Variants in GRIK3 observed in about 807,000 individuals in gnomAD.
GRIK3 encodes glutamate receptor ionotropic, kainate 3.
A neutral mutation model predicts 102.5 loss-of-function variants in GRIK3; 29 were observed. The ratio of observed to expected loss-of-function variants is 0.28; its 90% CI spans 0.21 to 0.39. The LOEUF (loss-of-function observed/expected upper bound fraction) is 0.39. Among genes scored for constraint, GRIK3 ranks in the 10% least tolerant of loss-of-function variants. The probability of loss-of-function intolerance (pLI) is 1.00; values close to 1 mark genes in which losing one functional copy is unlikely to be tolerated. For synonymous variants in GRIK3, 511 were observed against 504.9 expected, an observed-to-expected ratio of 1.01 and a Z score of -0.16; for missense variants, 908 against 1,252.4, an observed-to-expected ratio of 0.73 and a Z score of 4.15.
Position 36,860,089 on chromosome 1 carries a change from C to T in GRIK3, c.787-72G>A, listed in dbSNP as rs560131185. ...GAACTCCAGCCCCGCCTCCTACCCACTCCCTAATCAGGGCCGCCCCAGGGC... is the reference window on the plus strand; with the variant it reads ...GAACTCCAGCCCCGCCTCCTACCCATTCCCTAATCAGGGCCGCCCCAGGGC... On this transcript the variant is annotated intron_variant, in intron 5 of 15. Coordinates refer to ENST00000373091, the MANE Select transcript of GRIK3 (RefSeq NM_000831.4). 7.9e-6 allele frequency: 10 copies of T among 1,270,160 alleles called. No homozygotes were observed. In the African/African-American group the frequency reaches 1.1e-4, roughly 13 times the overall value. The allele number at this position is 1,270,160 out of a possible 1,614,324, so 78.7% of individuals were successfully genotyped here.
intron 1 of GRIK3, among the ~76,000 whole-genome samples, chr1:36,994,909 C>T (rs989336910): frequency 6.6e-6 from 1 of 152,222 alleles, no homozygotes. Context: ...TCACACCTTT[C>T]TCTCTGTGAC....
chr1:36,898,089 G>T (rs190480678), intron 1 of GRIK3, among the ~76,000 whole-genome samples: 27 of 151,990 alleles, frequency 1.8e-4, no homozygotes, highest in African/African-American at 6.3e-4. Flanking sequence ...TGAAATCATG[G>T]AGATAGAGAG....
chr1:36,977,258 C>G (rs1228259458), intron 1 of GRIK3, among the ~76,000 whole-genome samples: 1 of 152,244 alleles, frequency 6.6e-6, no homozygotes, highest in East Asian at 1.9e-4. Flanking sequence ...TCATGCCTGC[C>G]TCTCCCAAAC....
chr1:36,854,801 C>T (rs1451349532), intron 7 of GRIK3, among the ~76,000 whole-genome samples: 1 of 152,184 alleles, frequency 6.6e-6, no homozygotes, highest in East Asian at 1.9e-4. Context: ...ACTGTTCATG[C>T]CGTGCAACCT....
At chr1:37,017,681 G>A (rs1421796238) in intron 1 of GRIK3, among the ~76,000 whole-genome samples, 1 of 152,164 alleles carries the variant, frequency 6.6e-6, no homozygotes, top group Non-Finnish European at 1.5e-5. Flanking sequence ...GGGCAAACCT[G>A]AATAGGCTTG....
chr1:36,796,008 A>G lies in GRIK3; in HGVS notation c.*5843T>C, dbSNP rs1211040527. ...AGTGGTAAGAGGACCCATGATCCCT[A>G]CGGAACCAAGACAGGATGCTCCTCA... On this transcript the variant is annotated 3_prime_UTR_variant, in exon 16 of 16. Transcript: ENST00000373091. 9 of 152,284 alleles carry G rather than the reference A, an allele frequency of 5.9e-5. No individual in the cohort carries two copies. The highest frequency in any genetic ancestry group is 5.9e-4 in the Admixed American group (9 of 15,278). The allele number at this position is 152,284 out of a possible 1,614,324, so 9.4% of individuals were successfully genotyped here.
chr1:36,838,389 A>G (rs1640406357), intron 10 of GRIK3, among the ~76,000 whole-genome samples: 1 of 152,200 alleles, frequency 6.6e-6, no homozygotes, highest in Non-Finnish European at 1.5e-5. Flanking sequence ...GAAAGAGGAA[A>G]CAGACAAGTA....
rs1284484688 is a variant in GRIK3 at position 36,796,362 on chromosome 1, G to A, written c.*5489C>T. On this transcript the variant is annotated 3_prime_UTR_variant, in exon 16 of 16. Transcript: ENST00000373091. ...ATGGAGCCTGGGCTGTGCTAGGATAGGAGCTACCTTCTTGCCTCTCATCTT... is the reference window on the plus strand; with the variant it reads ...ATGGAGCCTGGGCTGTGCTAGGATAAGAGCTACCTTCTTGCCTCTCATCTT... 1.3e-5 allele frequency: 2 copies of A among 152,200 alleles called. No homozygotes were observed. The highest frequency in any genetic ancestry group is 2.4e-5 in the African/African-American group (1 of 41,440). The allele number at this position is 152,200 out of a possible 1,614,324, so 9.4% of individuals were successfully genotyped here.
Position 36,806,059 on chromosome 1 carries a change from C to A in GRIK3, c.2314+45G>T. On this transcript the variant is annotated intron_variant, in intron 14 of 15. Coordinates refer to ENST00000373091, the MANE Select transcript of GRIK3 (RefSeq NM_000831.4). This position sits in a 1 kb window ranked among gnomAD's most constrained non-coding sequence, Gnocchi z 4.0. ...AGGGGACGCGGGGGTGGAGCCCTCC[C>A]TCTGCCCACACACCCACCCCTCCCA... 7.2e-7 allele frequency: 1 copy of A among 1,383,138 alleles called. No individual in the cohort carries two copies. Among genetic ancestry groups the A allele is most frequent in the Non-Finnish European group, 1.0e-6 (1 of 979,476 alleles). 85.7% of individuals were successfully genotyped at this position (1,383,138 alleles called of 1,614,324 possible).
chr1:36,837,521 G>A (rs1441591606), intron 10 of GRIK3, among the ~76,000 whole-genome samples: 1 of 152,060 alleles, frequency 6.6e-6, no homozygotes, highest in Non-Finnish European at 1.5e-5. Context: ...CGCCCTGTTT[G>A]GGTCCCAGCG....
chr1:36,966,086 T>C (rs1642074852), intron 1 of GRIK3, among the ~76,000 whole-genome samples: 1 of 152,342 alleles, frequency 6.6e-6, no homozygotes, highest in South Asian at 2.1e-4. Flanking sequence ...ATATGCCCCA[T>C]GGTCCCAAGA....
At chr1:36,855,229 T>C (rs1476794461) in intron 7 of GRIK3, among the ~76,000 whole-genome samples, 1 of 152,124 alleles carries the variant, frequency 6.6e-6, no homozygotes, top group Non-Finnish European at 1.5e-5. Flanking sequence ...TGGCTCCCAG[T>C]CCTTGCTTTG....
At position 36,806,602 on chromosome 1, in the gene GRIK3, A is replaced by C. The variant is rs752856448; in HGVS notation, c.2092-276T>G. On this transcript the variant is annotated intron_variant, in intron 13 of 15. Transcript: ENST00000373091. This position sits in a 1 kb window ranked among gnomAD's most constrained non-coding sequence, Gnocchi z 4.0. ...AAGTGGTCTTCAAGCTGACTTTTTAAACATGGATTTTCTTTCTCTAAAATT... is the reference window on the plus strand; with the variant it reads ...AAGTGGTCTTCAAGCTGACTTTTTACACATGGATTTTCTTTCTCTAAAATT... Among the ~76,000 whole-genome samples, 15 of 152,140 alleles carry C rather than the reference A, an allele frequency of 9.9e-5. No individual in the cohort carries two copies. Among genetic ancestry groups the C allele is most frequent in the Non-Finnish European group, 1.9e-4 (13 of 68,028 alleles).
chr1:36,976,614 G>A (rs577827357), intron 1 of GRIK3, among the ~76,000 whole-genome samples: 1 of 152,234 alleles, frequency 6.6e-6, no homozygotes, highest in East Asian at 1.9e-4. Flanking sequence ...GGACCCAGGA[G>A]GTATGAAATC....
intron 1 of GRIK3, among the ~76,000 whole-genome samples, chr1:37,013,709 G>A (rs895694946): frequency 3.3e-5 from 5 of 152,210 alleles, no homozygotes; most frequent in African/African-American, 1.2e-4. Flanking sequence ...GCTGGAAGGG[G>A]TGTCACTCAC....
chr1:36,921,817 G>A (rs1570800368), intron 1 of GRIK3, among the ~76,000 whole-genome samples: 3 of 152,048 alleles, frequency 2.0e-5, no homozygotes, highest in East Asian at 3.9e-4. Context: ...TTTCCACTGA[G>A]GACCTGGCCC....
In GRIK3 at chr1:36,819,961, A is replaced by T; in HGVS notation, c.1755-107T>A. 1.5e-6 allele frequency: 1 copy of T among 679,646 alleles called. No individual in the cohort carries two copies. The allele number at this position is 679,646 out of a possible 1,614,324, so 42.1% of individuals were successfully genotyped here. A position where few individuals can be genotyped will look rare whatever the true frequency, so the allele number is the denominator to read the frequency against. On this transcript the variant is annotated intron_variant, in intron 11 of 15. Transcript: ENST00000373091. The surrounding 1 kb of genome is among the most constrained non-coding windows in gnomAD (Gnocchi z 4.1). Reference sequence around the variant, plus strand: ...CTGTGCCAGCCGCCTCAGCGTCAATATCCTCATGGTTCTGCTGGGAGGCAG... The same window carrying T: ...CTGTGCCAGCCGCCTCAGCGTCAATTTCCTCATGGTTCTGCTGGGAGGCAG...
intron 1 of GRIK3, among the ~76,000 whole-genome samples, chr1:36,903,805 G>A (rs956690437): frequency 6.6e-6 from 1 of 152,156 alleles, no homozygotes; most frequent in Non-Finnish European, 1.5e-5. Flanking sequence ...GGCTTCCAGC[G>A]GGTGGAGGAG....
chr1:36,853,828 C>A (rs1183359416), intron 7 of GRIK3, 106 bp from the exon 8 acceptor site: 2 of 690,978 alleles, frequency 2.9e-6, no homozygotes, highest in African/African-American at 1.8e-5. Context: ...TGATACTGTT[C>A]CCCCAAGACC....
Sources: allele counts gnomAD v4.1 joint callset (sites outside exome capture counted in the v4.1 genomes callset), GRCh38; gene constraint gnomAD v4.1.1; non-coding constraint Gnocchi (gnomAD v3.1); transcripts MANE v1.5; gene names NCBI Gene and HGNC (gene_info 2026-07-23, HGNC 2026-07-21).